The following CEP295 variants were observed in gnomAD, a reference collection of about 807,000 sequenced individuals.
CEP295 encodes centrosomal protein of 295 kDa.
Under a neutral mutation model 291.6 loss-of-function variants are expected in CEP295, and 190 were observed. The observed-to-expected ratio is 0.65, with a 90% CI of 0.58 to 0.73. The LOEUF is 0.73. CEP295 is among the 30% of genes least tolerant of loss of function. The probability of loss-of-function intolerance (pLI) is 0.00; values close to 1 mark genes in which losing one functional copy is unlikely to be tolerated. For missense variants in CEP295, 2,863 were observed against 2,949.4 expected, an observed-to-expected ratio of 0.97 and a Z score of 0.68; for synonymous variants, 993 against 1,038.8, an observed-to-expected ratio of 0.96 and a Z score of 0.85.
Position 93,715,353 on chromosome 11 carries a change from G to T in CEP295, c.5750-5959G>T, listed in dbSNP as rs558199190. 1.3e-4 allele frequency among the ~76,000 whole-genome samples: 20 copies of T among 152,186 alleles called. No individual in the cohort carries two copies. In the East Asian group the frequency reaches 3.7e-3, roughly 28 times the overall value. ...CTTCAGTTAGCTTGTTGTGAATGCT[G>T]CCAGGCATGGGACTTCCTTCAGGGC... On this transcript the variant is annotated intron_variant, in intron 18 of 29. Transcript: ENST00000325212.
chr11:93,698,683 G>A lies in CEP295; in HGVS notation c.3771G>A (p.Leu1257=). 1 of 1,550,766 alleles carries A rather than the reference G, an allele frequency of 6.4e-7. No individual in the cohort carries two copies. The highest frequency in any genetic ancestry group is 8.7e-7 in the Non-Finnish European group (1 of 1,147,064). Reference sequence around the variant, plus strand: ...ATATGCTACCTCTACAAGATAATTTGGAGGAACACCAAGCATGGCTAGACA... The same window carrying A: ...ATATGCTACCTCTACAAGATAATTTAGAGGAACACCAAGCATGGCTAGACA... ...SQHMLPLQDN[L]EEHQAWLDTE... is the part of the protein sequence containing the mutation. The change falls in exon 15 of 30, where the codon TTG becomes TTA. Residue 1257 remains leucine, a synonymous_variant. Transcript: ENST00000325212.
intron 18 of CEP295, among the ~76,000 whole-genome samples, chr11:93,713,423 CTT>C (rs1373801437): frequency 6.6e-6 from 1 of 152,088 alleles, no homozygotes; most frequent in Non-Finnish European, 1.5e-5. Flanking sequence ...CTAGGAAAGT[CTT>C]TGTTTCTTCT....
intron 22 of CEP295, among the ~76,000 whole-genome samples, chr11:93,724,791 CAA>C (rs1256763976): frequency 2.0e-5 from 3 of 151,862 alleles, no homozygotes; most frequent in Non-Finnish European, 4.4e-5. Flanking sequence ...AACAAACAAA[CAA>C]AAAGAATCAC....
At chr11:93,728,116 T>A (rs142539155) in intron 24 of CEP295, 1 of 155,928 alleles carries the variant, frequency 6.4e-6, no homozygotes, top group Non-Finnish European at 1.4e-5. Context: ...AAGCAACTTA[T>A]AATCTGCTTG....
chr11:93,693,710 T>G (rs1032915989), intron 12 of CEP295, among the ~76,000 whole-genome samples: 1 of 151,998 alleles, frequency 6.6e-6, no homozygotes. Context: ...CAGCCAAGAT[T>G]GTGCCACTGC....
intron 18 of CEP295, among the ~76,000 whole-genome samples, chr11:93,711,232 T>C (rs1952874520): frequency 6.6e-6 from 1 of 152,148 alleles, no homozygotes; most frequent in African/African-American, 2.4e-5. Context: ...TTTATGTAGA[T>C]ACTTAAATAG....
Position 93,697,920 on chromosome 11 carries a change from C to T in CEP295, c.3008C>T (p.Thr1003Ile). The T allele has an allele frequency of 6.4e-7, 1 of 1,551,680 alleles. No individual in the cohort carries two copies. The highest frequency in any genetic ancestry group is 8.7e-7 in the Non-Finnish European group (1 of 1,146,958). Residue 1003 changes from threonine to isoleucine, a missense_variant, in exon 15 of 30, where the codon ACA becomes ATA. This residue lies in a region of CEP295 where 2,295 missense variants were observed against 2,335.7 expected (regional missense o/e 0.98). Coordinates refer to ENST00000325212, the MANE Select transcript of CEP295 (RefSeq NM_033395.2). ...PSFPFQVAQH[T>I]FTSLPSADTK... is the part of the protein sequence containing the mutation. ...TTCCCATTTCAGGTAGCTCAGCATA[C>T]ATTTACTTCACTACCATCTGCTGAT...
intron 18 of CEP295, among the ~76,000 whole-genome samples, chr11:93,708,117 A>G (rs1020295109): frequency 6.6e-6 from 1 of 152,170 alleles, no homozygotes; most frequent in African/African-American, 2.4e-5. Flanking sequence ...TACAATGTGT[A>G]ATATTCACAT....
chr11:93,681,236 TG>T (rs1371397945), intron 7 of CEP295, among the ~76,000 whole-genome samples: 1 of 94,312 alleles, frequency 1.1e-5, no homozygotes, highest in East Asian at 3.2e-4. Flanking sequence ...TTTCATGTGT[TG>T]TTTTTTTTTT....
chr11:93,709,450 A>G (rs1160943503), intron 18 of CEP295, among the ~76,000 whole-genome samples: 1 of 152,130 alleles, frequency 6.6e-6, no homozygotes, highest in African/African-American at 2.4e-5. Context: ...AACTGAGTAC[A>G]CAGTAAATGT....
intron 21 of CEP295, chr11:93,723,504 C>G: frequency 2.5e-6 from 1 of 398,956 alleles, no homozygotes; most frequent in South Asian, 3.6e-5. Flanking sequence ...GATTAATTAG[C>G]AAATCTTCCT....
At chr11:93,709,417 T>G (rs1048684536) in intron 18 of CEP295, among the ~76,000 whole-genome samples, 4 of 152,332 alleles carry the variant, frequency 2.6e-5, no homozygotes, top group Admixed American at 1.3e-4. Flanking sequence ...TTCCCCCATG[T>G]ACGTTCTTGG....
chr11:93,727,546 CAA>C lies in CEP295; in HGVS notation c.7074_7075del (p.Lys2358AsnfsTer50), dbSNP rs1465308937. ...GAGAATTCAGCTGAAACAGACATTC[CAA>C]AAATCACCAAAAAACTATCTCAACT... On this transcript the variant is annotated frameshift_variant, in exon 24 of 30. Transcript: ENST00000325212. LOFTEE classifies it high-confidence loss of function. The C allele has an allele frequency of 6.4e-7, 1 of 1,551,324 alleles. No homozygotes were observed. Among genetic ancestry groups the C allele is most frequent in the Admixed American group, 2.0e-5 (1 of 50,938 alleles).
chr11:93,666,873 C>A, intron 2 of CEP295, 58 bp downstream of exon 2: 2 of 985,440 alleles, frequency 2.0e-6, no homozygotes, highest in Non-Finnish European at 3.1e-6. Context: ...TACTTGTATT[C>A]TTTTACATTA....
chr11:93,729,271 C>CA (rs1275593000), intron 25 of CEP295, 163 bp from the exon 26 acceptor site: 5 of 625,082 alleles, frequency 8.0e-6, no homozygotes, highest in African/African-American at 3.7e-5. Flanking sequence ...CCAATCCCTA[C>CA]AAAAAATACA....
intron 3 of CEP295, 150 bp from the exon 4 acceptor site, chr11:93,668,658 C>T: frequency 5.3e-6 from 3 of 567,974 alleles, no homozygotes; most frequent in South Asian, 5.0e-5. Context: ...TATGGCATAT[C>T]ATCAGTGGTA....
rs1565231920 is a variant in CEP295, at chr11:93,729,928, C to CAGAAAGACTACACAGGCTCT, written c.7628_7647dup (p.Arg2550GlufsTer7). On this transcript the variant is annotated frameshift_variant, in exon 28 of 30. Transcript: ENST00000325212. LOFTEE classifies it high-confidence loss of function. The stretch of plus-strand genomic sequence containing the variant: ...AAGTCAGAGCATCTTTTCCTGAAGA[C>CAGAAAGACTACACAGGCTCT]AGAAAGACTACACAGGCTCTAAGGC... The CAGAAAGACTACACAGGCTCT allele has an allele frequency of 5.2e-6, 8 of 1,548,842 alleles. No individual in the cohort carries two copies. The highest frequency in any genetic ancestry group is 8.7e-7 in the Non-Finnish European group (1 of 1,146,442).
chr11:93,696,420 A>G lies in CEP295; in HGVS notation c.1769+3A>G, dbSNP rs1951845568. 6.7e-6 allele frequency: 10 copies of G among 1,494,988 alleles called. No homozygotes were observed. Among genetic ancestry groups the G allele is most frequent in the Non-Finnish European group, 9.1e-6 (10 of 1,096,050 alleles). The allele number at this position is 1,494,988 out of a possible 1,614,324, so 92.6% of individuals were successfully genotyped here. On this transcript the variant is annotated splice_donor_region_variant and intron_variant, in intron 14 of 29. Coordinates refer to ENST00000325212, the MANE Select transcript of CEP295 (RefSeq NM_033395.2). ...CATCAGCTTTTACAACAAAACAGGT[A>G]TTAGCTAGGGTATAATTTATATGTG...
At chr11:93,671,368 A>G (rs1226152439) in intron 5 of CEP295, among the ~76,000 whole-genome samples, 1 of 151,914 alleles carries the variant, frequency 6.6e-6, no homozygotes, top group Non-Finnish European at 1.5e-5. Flanking sequence ...AATTATAGTC[A>G]TTCTTTTTCT....
Sources: gnomAD v4.1 joint callset for allele counts (sites outside exome capture counted in the v4.1 genomes callset) on GRCh38, gnomAD v4.1.1 for gene constraint, gnomAD v4.1.1 regional missense constraint, MANE v1.5 for transcripts, NCBI Gene and HGNC (gene_info 2026-07-23, HGNC 2026-07-21) for gene names.